ZNG1A: variants seen among roughly 807,000 people sequenced by gnomAD.
ZNG1A encodes the protein Zn regulated GTPase metalloprotein activator 1A.
At chr9:167,516 G>A in the ZNG1A span, 1 of 149,140 alleles carries the variant, frequency 6.7e-6, no homozygotes, top group Admixed American at 6.7e-5. Flanking sequence ...CCCAAAGAAT[G>A]CATGCAGTAC....
the ZNG1A span, chr9:160,023 T>C: frequency 1.1e-5 from 5 of 454,064 alleles, no homozygotes; most frequent in Admixed American, 1.2e-4. Context: ...ACTTCATTCA[T>C]TGCTTCTATT....
At chr9:140,386 C>G in the ZNG1A span, among the ~76,000 whole-genome samples, 5,177 of 150,062 alleles carry the variant, frequency 0.034, 368 homozygotes, top group African/African-American at 0.12. Context: ...CTGGGAGGCA[C>G]CCCCTAGCAG....
At chr9:156,672 A>G in the ZNG1A span, 1 of 882,484 alleles carries the variant, frequency 1.1e-6, no homozygotes. Context: ...ATCCAAAACT[A>G]ACTTTTCTAG....
At chr9:146,081 A>G in the ZNG1A span, 2 of 1,511,656 alleles carry the variant, frequency 1.3e-6, no homozygotes, top group East Asian at 2.3e-5. Context: ...AATAAAAGTA[A>G]CCAAATTATA....
the ZNG1A span, among the ~76,000 whole-genome samples, chr9:168,256 TTTA>T: frequency 6.8e-6 from 1 of 148,048 alleles, no homozygotes; most frequent in Non-Finnish European, 1.5e-5. Context: ...TTTTTATTTA[TTTA>T]TTTATTTATT....
At chr9:126,833 C>A in the ZNG1A span, among the ~76,000 whole-genome samples, 35 of 152,020 alleles carry the variant, frequency 2.3e-4, 1 homozygote, top group Admixed American at 2.3e-3. Flanking sequence ...GGGCCGTGAA[C>A]CTTCCTCTTA....
At chr9:140,472 C>A in the ZNG1A span, among the ~76,000 whole-genome samples, 1 of 151,348 alleles carries the variant, frequency 6.6e-6, no homozygotes, top group Non-Finnish European at 1.5e-5. Context: ...AGAAGGAAAA[C>A]TAACAAACAG....
At chr9:121,772 A>T in the ZNG1A span, 1 of 1,175,866 alleles carries the variant, frequency 8.5e-7, no homozygotes, top group East Asian at 2.4e-5. Context: ...CTTTTCTAAA[A>T]CTGAAGAAGA....
the ZNG1A span, chr9:172,083 G>A: frequency 3.7e-6 from 6 of 1,610,746 alleles, no homozygotes; most frequent in Non-Finnish European, 5.1e-6. Context: ...CTTCTTACCA[G>A]GGTCTGCTAA....
chr9:167,688 T>C, the ZNG1A span: 2 of 150,302 alleles, frequency 1.3e-5, no homozygotes, highest in East Asian at 1.9e-4. Flanking sequence ...ATGATCAACA[T>C]GAAACTAGGC....
chr9:135,854 T>C, the ZNG1A span, among the ~76,000 whole-genome samples: 1 of 94,144 alleles, frequency 1.1e-5, no homozygotes, highest in Non-Finnish European at 1.9e-5. Context: ...TCCCAGCTGG[T>C]TGCTCAGGAA....
chr9:157,111 T>C, the ZNG1A span, among the ~76,000 whole-genome samples: 2 of 132,310 alleles, frequency 1.5e-5, no homozygotes, highest in East Asian at 4.4e-4. Context: ...CAGCCCTGAT[T>C]CTAGCCTAAA....
chr9:129,233 T>C, the ZNG1A span, among the ~76,000 whole-genome samples: 1 of 152,158 alleles, frequency 6.6e-6, no homozygotes, highest in Non-Finnish European at 1.5e-5. Flanking sequence ...TGTTGGGCTC[T>C]AGAATGCCCA....
the ZNG1A span, chr9:147,040 T>C: frequency 6.6e-6 from 1 of 151,190 alleles, no homozygotes; most frequent in East Asian, 1.9e-4. Context: ...TAGCTGGGTG[T>C]GGTGGCACGC....
the ZNG1A span, among the ~76,000 whole-genome samples, chr9:173,622 T>C: frequency 6.6e-6 from 1 of 152,120 alleles, no homozygotes; most frequent in Non-Finnish European, 1.5e-5. Flanking sequence ...CTTAGGCCTC[T>C]TACTTGGCCA....
chr9:168,849 T>C, the ZNG1A span, among the ~76,000 whole-genome samples: 2 of 151,102 alleles, frequency 1.3e-5, no homozygotes, highest in African/African-American at 2.5e-5. Flanking sequence ...AAGCCCACCA[T>C]TGAGATCTAC....
the ZNG1A span, among the ~76,000 whole-genome samples, chr9:158,406 T>C: frequency 2.0e-5 from 3 of 151,628 alleles, no homozygotes; most frequent in Admixed American, 6.6e-5. Context: ...AAATTCTTTT[T>C]AAACTGAAAT....
the ZNG1A span, among the ~76,000 whole-genome samples, chr9:143,321 C>G: frequency 6.8e-6 from 1 of 146,306 alleles, no homozygotes; most frequent in Non-Finnish European, 1.5e-5. Flanking sequence ...CCGAATCCAG[C>G]AGCACATCAA....
the ZNG1A span, chr9:147,920 G>A: frequency 2.0e-5 from 3 of 151,218 alleles, no homozygotes; most frequent in Non-Finnish European, 2.9e-5. Context: ...CAGCTACTCG[G>A]AGGGTGAAGC....
Sources: gnomAD v4.1 joint callset for allele counts (sites outside exome capture counted in the v4.1 genomes callset) on GRCh38, gnomAD v4.1.1 for gene constraint, MANE v1.5 for transcripts, NCBI Gene and HGNC (gene_info 2026-07-23, HGNC 2026-07-21) for gene names.